Variants in DSCAML1 observed in about 807,000 individuals in gnomAD.
DSCAML1 encodes the protein cell adhesion molecule DSCAML1.
DSCAML1 carries 38 observed loss-of-function variants against 200.5 expected under a neutral mutation model. The ratio of observed to expected loss-of-function variants is 0.19; its 90% CI spans 0.15 to 0.25. The LOEUF is 0.25. DSCAML1 is among the 10% of genes least tolerant of loss of function. The probability of loss-of-function intolerance (pLI) is 1.00; values close to 1 mark genes in which losing one functional copy is unlikely to be tolerated. For missense variants in DSCAML1, 2,223 were observed against 2,858.8 expected (o/e 0.78, Z 5.07); for synonymous variants, 1,215 against 1,165.0 (o/e 1.04, Z -0.87).
chr11:117,664,182 C>T (rs1394029837), intron 3 of DSCAML1, among the ~76,000 whole-genome samples: 3 of 152,224 alleles, frequency 2.0e-5, no homozygotes, highest in Non-Finnish European at 4.4e-5. Context: ...AGACAAACAG[C>T]TCAGGGGCCC....
chr11:117,438,065 G>A lies in DSCAML1; in HGVS notation c.4262C>T (p.Ser1421Leu), dbSNP rs1281770633. Residue 1421 changes from serine to leucine, a missense_variant, in exon 25 of 33, where the codon TCG becomes TTG. Ser to Leu is a moderately radical substitution (Grantham distance 145). Around this residue, in one of 7 missense-constraint regions of DSCAML1, gnomAD observed 614 missense variants for 739.1 expected, o/e 0.83. Transcript: ENST00000651296. Reference protein sequence around the residue: ...SSIRGFVLQYSVDNSEEWKDV... With the variant: ...SSIRGFVLQYLVDNSEEWKDV... ...CTTCCACTCCTCGCTGTTGTCCACC[G>A]AGTACTGTAGCACGAAGCCTGCGGA... The A allele has an allele frequency of 5.6e-6, 9 of 1,613,274 alleles. No individual in the cohort carries two copies. The highest frequency in any genetic ancestry group is 4.0e-5 in the African/African-American group (3 of 74,920).
intron 11 of DSCAML1, among the ~76,000 whole-genome samples, chr11:117,491,926 C>T (rs2049189883): frequency 6.6e-6 from 1 of 152,122 alleles, no homozygotes; most frequent in South Asian, 2.1e-4. Context: ...GTCTGGGAGC[C>T]AGGGGACCAA....
chr11:117,520,646 C>T (rs1188886485), intron 6 of DSCAML1, among the ~76,000 whole-genome samples: 1 of 151,728 alleles, frequency 6.6e-6, no homozygotes, highest in Non-Finnish European at 1.5e-5. Flanking sequence ...AAAGTAAAGG[C>T]CTCAGCCCAG....
intron 3 of DSCAML1, among the ~76,000 whole-genome samples, chr11:117,763,805 G>A (rs1032156985): frequency 3.3e-5 from 5 of 151,986 alleles, no homozygotes; most frequent in East Asian, 1.9e-4. Flanking sequence ...GGTGGTTTTC[G>A]AAAGCTCCCC....
chr11:117,724,196 AG>A (rs58878617), intron 3 of DSCAML1, among the ~76,000 whole-genome samples: 1,933 of 152,262 alleles, frequency 0.013, 35 homozygotes, highest in African/African-American at 0.043. Flanking sequence ...CTGACCCCAA[AG>A]GCCTTCCAGT....
At chr11:117,580,543 C>T (rs1365938276) in intron 3 of DSCAML1, among the ~76,000 whole-genome samples, 4 of 151,022 alleles carry the variant, frequency 2.6e-5, no homozygotes, top group African/African-American at 7.3e-5. Context: ...ATGAGAGGCT[C>T]TTTGTGATGC....
intron 3 of DSCAML1, among the ~76,000 whole-genome samples, chr11:117,645,471 C>T (rs1057067398): frequency 6.6e-5 from 10 of 151,988 alleles, no homozygotes; most frequent in Non-Finnish European, 7.4e-5. Flanking sequence ...TTCAAATCTG[C>T]GGACCAGCAT....
chr11:117,684,947 G>C (rs1242637223), intron 3 of DSCAML1, among the ~76,000 whole-genome samples: 1 of 152,232 alleles, frequency 6.6e-6, no homozygotes, highest in Non-Finnish European at 1.5e-5. Context: ...GCCAGGGCCG[G>C]TCCAGCCGGT....
chr11:117,773,243 C>T (rs79537444), intron 3 of DSCAML1, among the ~76,000 whole-genome samples: 9,073 of 152,226 alleles, frequency 0.06, 285 homozygotes, highest in Non-Finnish European at 0.068. Flanking sequence ...TCCCAGGGCA[C>T]CTGCATCCCC....
At chr11:117,791,103 T>C (rs981889507) in intron 1 of DSCAML1, among the ~76,000 whole-genome samples, 4 of 152,162 alleles carry the variant, frequency 2.6e-5, no homozygotes, top group African/African-American at 9.7e-5. Flanking sequence ...CTGTTCACTC[T>C]AAAGCAGCAC....
intron 29 of DSCAML1, among the ~76,000 whole-genome samples, chr11:117,432,773 A>ATTT (rs61065938): frequency 5.1e-5 from 7 of 138,570 alleles, no homozygotes; most frequent in African/African-American, 1.1e-4. Flanking sequence ...ATGCCTGGCT[A>ATTT]TTTTTTTTTT....
intron 3 of DSCAML1, among the ~76,000 whole-genome samples, chr11:117,733,521 G>T (rs540683437): frequency 1.3e-5 from 2 of 152,292 alleles, no homozygotes; most frequent in East Asian, 1.9e-4. Context: ...CCTGCCTGTG[G>T]CTATTGCCCA....
In DSCAML1 at chr11:117,469,737, T is replaced by A. The variant is rs974275484; in HGVS notation, c.3024+173A>T. ...TGGGGATTATTGTGCTGGAGGGACC[T>A]GCCTTTGCCTCCCTCTCCTTCCATC... On this transcript the variant is annotated intron_variant, in intron 16 of 32. Transcript: ENST00000651296. The surrounding 1 kb of genome is among the most constrained non-coding windows in gnomAD (Gnocchi z 4.1). Among the ~76,000 whole-genome samples the A allele has an allele frequency of 1.4e-4, 22 of 152,168 alleles. No homozygotes were observed. The highest frequency in any genetic ancestry group is 5.1e-4 in the African/African-American group (21 of 41,446).
chr11:117,525,460 T>G (rs1196829015), intron 4 of DSCAML1, among the ~76,000 whole-genome samples: 6 of 150,648 alleles, frequency 4.0e-5, no homozygotes, highest in Non-Finnish European at 7.4e-5. Context: ...GTCCCTGGCT[T>G]CTTTTTTTTT....
intron 3 of DSCAML1, among the ~76,000 whole-genome samples, chr11:117,549,621 G>A (rs7110219): frequency 0.078 from 11,925 of 152,240 alleles, 601 homozygotes; most frequent in East Asian, 0.11. Flanking sequence ...CAGTGATTGC[G>A]TGATAAACGA....
intron 3 of DSCAML1, among the ~76,000 whole-genome samples, chr11:117,719,009 G>A (rs1010736610): frequency 1.6e-4 from 24 of 152,124 alleles, no homozygotes; most frequent in African/African-American, 5.6e-4. Context: ...AGAGGCCATG[G>A]GCCTGATTTG....
chr11:117,647,663 AG>A (rs2137610263), intron 3 of DSCAML1, among the ~76,000 whole-genome samples: 1 of 152,302 alleles, frequency 6.6e-6, no homozygotes, highest in East Asian at 1.9e-4. Context: ...GAGAAAGGGA[AG>A]GGGGATGAGG....
At position 117,459,018 on chromosome 11, in the gene DSCAML1, C is replaced by T. The variant is rs1026689463; in HGVS notation, c.3413-109G>A. ...ACACCTACTGCACAGGCTCAGCCCT[C>T]GACTCCATGGTGGCGAGGACTAGAG... On this transcript the variant is annotated intron_variant, in intron 18 of 32. Transcript: ENST00000651296. The T allele has an allele frequency of 3.7e-5, 52 of 1,412,334 alleles. No individual in the cohort carries two copies. The East Asian group carries it at 6.2e-4, about 17-fold the overall frequency. The allele number at this position is 1,412,334 out of a possible 1,614,324, so 87.5% of individuals were successfully genotyped here.
At chr11:117,597,514 T>C (rs1254046210) in intron 3 of DSCAML1, among the ~76,000 whole-genome samples, 1 of 152,226 alleles carries the variant, frequency 6.6e-6, no homozygotes, top group Non-Finnish European at 1.5e-5. Flanking sequence ...AATGGCACGA[T>C]CTGAGCTCAC....
Sources: gnomAD v4.1 joint callset for allele counts (sites outside exome capture counted in the v4.1 genomes callset) on GRCh38, gnomAD v4.1.1 for gene constraint, gnomAD v4.1.1 regional missense constraint, Gnocchi (gnomAD v3.1) non-coding constraint, MANE v1.5 for transcripts, NCBI Gene and HGNC (gene_info 2026-07-23, HGNC 2026-07-21) for gene names.